Variants in PLXDC2 observed in about 807,000 individuals in gnomAD.
PLXDC2 encodes the protein plexin domain containing 2.
PLXDC2 carries 40 observed loss-of-function variants against 68.9 expected under a neutral mutation model. That is an observed-to-expected ratio of 0.58 (90% confidence interval 0.45 to 0.76). The LOEUF is 0.76. Among genes scored for constraint, PLXDC2 ranks in the 30% least tolerant of loss-of-function variants. PLXDC2 has a pLI of 0.00. For synonymous variants in PLXDC2, 243 were observed against 234.2 expected (o/e 1.04, Z -0.34); for missense variants, 644 against 661.9 (o/e 0.97, Z 0.30).
At chr10:20,111,339 T>C (rs1833557738) in intron 4 of PLXDC2, among the ~76,000 whole-genome samples, 1 of 152,236 alleles carries the variant, frequency 6.6e-6, no homozygotes, top group African/African-American at 2.4e-5. Context: ...CTATTTACTT[T>C]AAAAACAGAA....
At chr10:20,173,056 T>A (rs2131822612) in intron 7 of PLXDC2, among the ~76,000 whole-genome samples, 1 of 152,330 alleles carries the variant, frequency 6.6e-6, no homozygotes, top group Admixed American at 6.5e-5. Context: ...TGTGGGAAGC[T>A]TGTAGCCACT....
intron 1 of PLXDC2, among the ~76,000 whole-genome samples, chr10:19,874,233 G>C (rs1589512964): frequency 6.6e-6 from 1 of 152,148 alleles, no homozygotes; most frequent in African/African-American, 2.4e-5. Flanking sequence ...CTAACTTCAG[G>C]AAAACGACAT....
intron 13 of PLXDC2, among the ~76,000 whole-genome samples, chr10:20,252,553 A>T (rs912064946): frequency 1.3e-5 from 2 of 152,338 alleles, no homozygotes; most frequent in African/African-American, 4.8e-5. Context: ...TTGGTTCCAT[A>T]TTTTTTAAAA....
rs1462368061 is a variant in PLXDC2, at chr10:20,283,808, C to A, written c.*3989C>A. 6.6e-6 allele frequency: 1 copy of A among 152,184 alleles called. No homozygotes were observed. The highest frequency in any genetic ancestry group is 1.5e-5 in the Non-Finnish European group (1 of 68,034). The allele number at this position is 152,184 out of a possible 1,614,324, so 9.4% of individuals were successfully genotyped here. ...TTTCATATTTATTTTATCACTGTAA[C>A]ACTAAGGAGCTATGGCATTAAAATA... is the stretch of plus-strand genomic sequence containing the variant. On this transcript the variant is annotated 3_prime_UTR_variant, in exon 14 of 14. Transcript: ENST00000377252.
chr10:20,118,605 G>A (rs770535561), intron 4 of PLXDC2, among the ~76,000 whole-genome samples: 10 of 151,972 alleles, frequency 6.6e-5, no homozygotes, highest in African/African-American at 2.4e-4. Flanking sequence ...ATCCAAAACC[G>A]GTCCCAGGAA....
chr10:20,051,395 AATATATAT>A (rs57093355), intron 3 of PLXDC2, among the ~76,000 whole-genome samples: 258 of 118,436 alleles, frequency 2.2e-3, no homozygotes, highest in Middle Eastern at 5.1e-3. Context: ...ATAAAGGTTA[AATATATAT>A]ATATATATAT....
intron 1 of PLXDC2, among the ~76,000 whole-genome samples, chr10:19,920,424 C>A (rs1196761538): frequency 1.3e-5 from 2 of 152,218 alleles, no homozygotes; most frequent in Non-Finnish European, 2.9e-5. Context: ...GATGGCTGGA[C>A]ATCCAGAGGA....
At chr10:20,255,408 A>G (rs977308965) in intron 13 of PLXDC2, among the ~76,000 whole-genome samples, 2 of 152,168 alleles carry the variant, frequency 1.3e-5, no homozygotes, top group Non-Finnish European at 2.9e-5. Context: ...TACTCTACTG[A>G]CAGTACCAAC....
chr10:20,164,003 GT>G (rs1834340363), intron 6 of PLXDC2, among the ~76,000 whole-genome samples: 1 of 152,028 alleles, frequency 6.6e-6, no homozygotes, highest in Non-Finnish European at 1.5e-5. Context: ...GCATTTATTT[GT>G]TTTTCTCTAG....
At chr10:19,922,516 T>C (rs1168245927) in intron 1 of PLXDC2, among the ~76,000 whole-genome samples, 1 of 152,184 alleles carries the variant, frequency 6.6e-6, no homozygotes. Context: ...TACTTGACTT[T>C]AGCCTTTTGG....
chr10:20,112,338 GA>G (rs5783718), intron 4 of PLXDC2, among the ~76,000 whole-genome samples: 1,452 of 131,244 alleles, frequency 0.011, 18 homozygotes, highest in African/African-American at 0.034. Flanking sequence ...ATAGGAAAAT[GA>G]AAAAAAAAAA....
intron 4 of PLXDC2, among the ~76,000 whole-genome samples, chr10:20,121,037 T>C (rs1008367676): frequency 4.6e-5 from 7 of 152,106 alleles, no homozygotes; most frequent in African/African-American, 1.4e-4. Flanking sequence ...TCAGGAATAA[T>C]GTGGGAGGCC....
chr10:20,004,737 T>C (rs968623381), intron 2 of PLXDC2, among the ~76,000 whole-genome samples: 1 of 152,168 alleles, frequency 6.6e-6, no homozygotes, highest in Non-Finnish European at 1.5e-5. Context: ...ATAAGAAATC[T>C]CTTTGATTGG....
At chr10:19,823,684 T>A (rs1459363176) in intron 1 of PLXDC2, among the ~76,000 whole-genome samples, 2 of 150,602 alleles carry the variant, frequency 1.3e-5, no homozygotes, top group South Asian at 2.1e-4. Context: ...AAAAAAAAAA[T>A]TCTCATAAAA....
chr10:19,996,014 G>A (rs769913317), intron 1 of PLXDC2, among the ~76,000 whole-genome samples: 18 of 152,332 alleles, frequency 1.2e-4, no homozygotes, highest in Admixed American at 2.0e-4. Context: ...TGGAACAAGA[G>A]GATGGGGTGT....
At chr10:19,888,445 A>G (rs1380133513) in intron 1 of PLXDC2, among the ~76,000 whole-genome samples, 2 of 152,178 alleles carry the variant, frequency 1.3e-5, no homozygotes, top group African/African-American at 4.8e-5. Context: ...AGTGGCCTAG[A>G]GAGAGTTAGA....
intron 1 of PLXDC2, among the ~76,000 whole-genome samples, chr10:19,937,171 GT>G (rs942522513): frequency 6.6e-6 from 1 of 152,056 alleles, no homozygotes; most frequent in Admixed American, 6.6e-5. Context: ...CCAGGATTAT[GT>G]TTTTCAAAGT....
At chr10:19,952,187 A>T (rs1834002427) in intron 1 of PLXDC2, among the ~76,000 whole-genome samples, 1 of 152,224 alleles carries the variant, frequency 6.6e-6, no homozygotes, top group Non-Finnish European at 1.5e-5. Flanking sequence ...TTTAAAATGT[A>T]AAAAGAAAAA....
chr10:19,923,062 T>C (rs1833485925), intron 1 of PLXDC2, among the ~76,000 whole-genome samples: 1 of 151,444 alleles, frequency 6.6e-6, no homozygotes, highest in African/African-American at 2.4e-5. Context: ...GATTGGCTTA[T>C]GTTTAAAAAA....
Sources: gnomAD v4.1 joint callset for allele counts (sites outside exome capture counted in the v4.1 genomes callset) on GRCh38, gnomAD v4.1.1 for gene constraint, MANE v1.5 for transcripts, NCBI Gene and HGNC (gene_info 2026-07-23, HGNC 2026-07-21) for gene names.